CFAP210: variants seen among roughly 807,000 people sequenced by gnomAD.
CFAP210 encodes the protein cilia- and flagella- associated protein 210.
the CFAP210 span, among the ~76,000 whole-genome samples, chr2:169,673,740 G>T: frequency 2.6e-5 from 4 of 152,166 alleles, no homozygotes; most frequent in Non-Finnish European, 5.9e-5. Flanking sequence ...ACAGGAGATA[G>T]AACTTAGAGC....
chr2:169,682,978 T>C, the CFAP210 span, among the ~76,000 whole-genome samples: 2 of 152,024 alleles, frequency 1.3e-5, no homozygotes, highest in African/African-American at 4.8e-5. Flanking sequence ...TTACTATTAG[T>C]ATGAGGAGAA....
chr2:169,652,973 C>T, the CFAP210 span, among the ~76,000 whole-genome samples: 1 of 106,610 alleles, frequency 9.4e-6, no homozygotes, highest in African/African-American at 3.7e-5. Flanking sequence ...GCACTCCAGC[C>T]TGGGCGACAG....
the CFAP210 span, among the ~76,000 whole-genome samples, chr2:169,688,132 A>T: frequency 6.6e-6 from 1 of 152,202 alleles, no homozygotes; most frequent in Admixed American, 6.5e-5. Flanking sequence ...TGGCCCATAA[A>T]ACCATTTTTT....
chr2:169,650,853 C>A, the CFAP210 span, among the ~76,000 whole-genome samples: 1 of 151,536 alleles, frequency 6.6e-6, no homozygotes, highest in Non-Finnish European at 1.5e-5. Context: ...AATCCCAACA[C>A]TTTGGGAGGC....
the CFAP210 span, among the ~76,000 whole-genome samples, chr2:169,689,084 T>G: frequency 6.6e-6 from 1 of 152,186 alleles, no homozygotes; most frequent in Non-Finnish European, 1.5e-5. Context: ...TGGAAATCCC[T>G]GATAAACCCA....
the CFAP210 span, among the ~76,000 whole-genome samples, chr2:169,684,271 C>T: frequency 3.9e-4 from 59 of 152,146 alleles, no homozygotes; most frequent in African/African-American, 1.4e-3. Context: ...GTCCATGTAC[C>T]TGCCATATTG....
the CFAP210 span, among the ~76,000 whole-genome samples, chr2:169,664,020 C>G: frequency 5.8e-3 from 830 of 141,890 alleles, 10 homozygotes; most frequent in African/African-American, 0.02. Context: ...GAAACCCCAA[C>G]TCTACTAAAA....
chr2:169,684,625 T>C, the CFAP210 span, among the ~76,000 whole-genome samples: 1 of 151,376 alleles, frequency 6.6e-6, no homozygotes, highest in Non-Finnish European at 1.5e-5. Flanking sequence ...CATTGTAGAA[T>C]GTATCAATAC....
At chr2:169,675,886 C>T in the CFAP210 span, among the ~76,000 whole-genome samples, 1 of 152,206 alleles carries the variant, frequency 6.6e-6, no homozygotes, top group South Asian at 2.1e-4. Flanking sequence ...GGCCTTCACT[C>T]CTCATGTCAT....
chr2:169,687,463 T>C, the CFAP210 span, among the ~76,000 whole-genome samples: 2 of 152,172 alleles, frequency 1.3e-5, no homozygotes, highest in African/African-American at 4.8e-5. Flanking sequence ...ATGGGAGACA[T>C]TGGCCAAAAC....
the CFAP210 span, among the ~76,000 whole-genome samples, chr2:169,649,793 T>C: frequency 1.3e-5 from 2 of 151,916 alleles, no homozygotes; most frequent in African/African-American, 4.8e-5. Context: ...TAGCCAGTCA[T>C]GGTGGCGCAT....
the CFAP210 span, chr2:169,646,191 G>T: frequency 6.3e-7 from 1 of 1,581,472 alleles, no homozygotes; most frequent in South Asian, 1.1e-5. Flanking sequence ...GCCTATTTGG[G>T]AAAGAAAGGA....
chr2:169,692,442 A>ACGTG, the CFAP210 span, among the ~76,000 whole-genome samples: 4 of 107,030 alleles, frequency 3.7e-5, no homozygotes, highest in South Asian at 1.3e-3. Flanking sequence ...CAACAGGCGC[A>ACGTG]CGCACACACA....
the CFAP210 span, among the ~76,000 whole-genome samples, chr2:169,689,158 C>G: frequency 2.0e-5 from 3 of 152,118 alleles, no homozygotes; most frequent in Admixed American, 6.6e-5. Flanking sequence ...CCCCATGATT[C>G]AATTATCTCC....
chr2:169,659,956 C>T, the CFAP210 span, among the ~76,000 whole-genome samples: 5 of 152,246 alleles, frequency 3.3e-5, no homozygotes, highest in Non-Finnish European at 5.9e-5. Context: ...TCATACTAGC[C>T]TCTAATGATC....
chr2:169,683,829 A>G, the CFAP210 span, among the ~76,000 whole-genome samples: 3 of 152,176 alleles, frequency 2.0e-5, no homozygotes, highest in Non-Finnish European at 4.4e-5. Context: ...AACAAAGAGA[A>G]CAGCCACAAA....
the CFAP210 span, chr2:169,650,306 A>G: frequency 6.5e-7 from 1 of 1,528,338 alleles, no homozygotes; most frequent in Non-Finnish European, 8.7e-7. Context: ...TTCTATTTTT[A>G]TTTTCATAAT....
At chr2:169,690,846 A>G in the CFAP210 span, among the ~76,000 whole-genome samples, 1 of 152,090 alleles carries the variant, frequency 6.6e-6, no homozygotes, top group African/African-American at 2.4e-5. Flanking sequence ...TTAGCTTTCA[A>G]CAGTTTGATC....
the CFAP210 span, chr2:169,674,687 T>C: frequency 6.2e-7 from 1 of 1,611,110 alleles, no homozygotes; most frequent in Admixed American, 1.7e-5. Context: ...TTCCTCCCAT[T>C]TTTTATCTGA....
Sources: allele counts gnomAD v4.1 joint callset (sites outside exome capture counted in the v4.1 genomes callset), GRCh38; gene constraint gnomAD v4.1.1; transcripts MANE v1.5; gene names NCBI Gene and HGNC (gene_info 2026-07-23, HGNC 2026-07-21).